Variants in FBXL20 observed in about 807,000 individuals in gnomAD.
FBXL20 encodes the protein F-box and leucine rich repeat protein 20.
Under a neutral mutation model 64.0 loss-of-function variants are expected in FBXL20, and 11 were observed. The ratio of observed to expected loss-of-function variants is 0.17; its 90% confidence interval spans 0.11 to 0.28. The LOEUF is 0.28. FBXL20 is among the 10% of genes least tolerant of loss of function. FBXL20 has a pLI of 1.00. For synonymous variants in FBXL20, 184 were observed against 189.0 expected, an observed-to-expected ratio of 0.97 and a Z score of 0.22; for missense variants, 303 against 526.2, an observed-to-expected ratio of 0.58 and a Z score of 4.15.
At chr17:39,388,217 G>T (rs910324669) in intron 1 of FBXL20, among the ~76,000 whole-genome samples, 2 of 152,056 alleles carry the variant, frequency 1.3e-5, no homozygotes, top group Non-Finnish European at 2.9e-5. Context: ...AGCACTTTGG[G>T]AGACCAAGGC....
chr17:39,307,225 G>A (rs945736921), intron 2 of FBXL20, among the ~76,000 whole-genome samples: 3 of 152,122 alleles, frequency 2.0e-5, no homozygotes, highest in African/African-American at 4.8e-5. Context: ...AGTAACTCAC[G>A]GCATAGGGGC....
chr17:39,318,255 G>A (rs1257563842), intron 2 of FBXL20, among the ~76,000 whole-genome samples: 2 of 152,228 alleles, frequency 1.3e-5, no homozygotes, highest in East Asian at 1.9e-4. Context: ...AACAAAGGAA[G>A]GCAGGTTGAG....
At chr17:39,351,887 G>T (rs2047690504) in intron 1 of FBXL20, among the ~76,000 whole-genome samples, 2 of 152,060 alleles carry the variant, frequency 1.3e-5, no homozygotes, top group Non-Finnish European at 1.5e-5. Flanking sequence ...TAAGCAACTT[G>T]GTTTATATAC....
chr17:39,278,633 C>A (rs556919539), intron 9 of FBXL20, among the ~76,000 whole-genome samples: 8 of 150,492 alleles, frequency 5.3e-5, no homozygotes, highest in African/African-American at 2.0e-4. Context: ...CTGCAACCTC[C>A]ACCTCCTGGG....
intron 1 of FBXL20, among the ~76,000 whole-genome samples, chr17:39,373,678 T>C (rs1244803889): frequency 1.3e-5 from 2 of 152,222 alleles, no homozygotes; most frequent in African/African-American, 2.4e-5. Context: ...CTTATAGTTC[T>C]GTTACAAAGC....
intron 6 of FBXL20, among the ~76,000 whole-genome samples, chr17:39,293,629 C>G (rs1260863761): frequency 1.3e-5 from 2 of 152,126 alleles, no homozygotes; most frequent in Non-Finnish European, 2.9e-5. Context: ...TTGAATGTCC[C>G]AGGTGTTCAA....
chr17:39,309,891 G>A (rs2047217007), intron 2 of FBXL20, among the ~76,000 whole-genome samples: 1 of 151,600 alleles, frequency 6.6e-6, no homozygotes, highest in African/African-American at 2.4e-5. Flanking sequence ...GCTCACACCT[G>A]TAATCCCAGC....
intron 1 of FBXL20, among the ~76,000 whole-genome samples, chr17:39,358,430 C>A (rs1233809230): frequency 1.3e-5 from 2 of 152,230 alleles, no homozygotes; most frequent in South Asian, 2.1e-4. Flanking sequence ...TGCCTGTAAT[C>A]CTAGCGCTTT....
intron 2 of FBXL20, among the ~76,000 whole-genome samples, chr17:39,329,048 G>A (rs1372480908): frequency 6.6e-6 from 1 of 151,940 alleles, no homozygotes; most frequent in Non-Finnish European, 1.5e-5. Context: ...GCAAGACTCT[G>A]TCAAAAATAA....
chr17:39,372,157 T>C (rs1211717004), intron 1 of FBXL20, among the ~76,000 whole-genome samples: 3 of 152,122 alleles, frequency 2.0e-5, no homozygotes, highest in African/African-American at 4.8e-5. Flanking sequence ...TAATTTCAAA[T>C]AGAGTTTATA....
chr17:39,373,078 CGTCTATATA>C (rs1165262533), intron 1 of FBXL20, among the ~76,000 whole-genome samples: 2 of 151,464 alleles, frequency 1.3e-5, no homozygotes, highest in Non-Finnish European at 2.9e-5. Context: ...GGCTTCACAT[CGTCTATATA>C]GAAACCTACC....
At chr17:39,316,279 G>A (rs1221038702) in intron 2 of FBXL20, among the ~76,000 whole-genome samples, 5 of 147,302 alleles carry the variant, frequency 3.4e-5, no homozygotes, top group Admixed American at 1.4e-4. Context: ...ATATATACAC[G>A]TGTTCATCTA....
rs1209969215 is a variant in FBXL20, at chr17:39,261,661, A to T, written c.1204-94T>A. 3.3e-6 allele frequency: 3 copies of T among 905,400 alleles called. No individual in the cohort carries two copies. The African/African-American group carries it at 5.0e-5, about 15-fold the overall frequency. 56.1% of individuals were successfully genotyped at this position (905,400 alleles called of 1,614,324 possible). A position where few individuals can be genotyped will look rare whatever the true frequency, so the allele number is the denominator to read the frequency against. ...GAAAAACTACCGAGGGGCTCAATGA[A>T]CATAAAAGCAGGGCAAAGGCTGAGC... On this transcript the variant is annotated intron_variant, in intron 14 of 14. Coordinates refer to ENST00000264658, the MANE Select transcript of FBXL20 (RefSeq NM_032875.3).
intron 1 of FBXL20, among the ~76,000 whole-genome samples, chr17:39,370,415 G>A (rs1029948849): frequency 2.0e-5 from 3 of 151,796 alleles, no homozygotes; most frequent in Non-Finnish European, 4.4e-5. Flanking sequence ...GCTTGAACCC[G>A]GGAGGCGGAG....
chr17:39,311,957 T>G (rs2047238799), intron 2 of FBXL20, among the ~76,000 whole-genome samples: 1 of 152,148 alleles, frequency 6.6e-6, no homozygotes, highest in Non-Finnish European at 1.5e-5. Context: ...AGGAGTACCA[T>G]TAAACACACA....
At chr17:39,390,964 T>C (rs2048128084) in intron 1 of FBXL20, among the ~76,000 whole-genome samples, 2 of 152,002 alleles carry the variant, frequency 1.3e-5, no homozygotes, top group African/African-American at 4.8e-5. Context: ...GAGAACTGCT[T>C]GAACCCAGGC....
At chr17:39,335,899 G>A (rs538570511) in intron 2 of FBXL20, among the ~76,000 whole-genome samples, 2 of 152,152 alleles carry the variant, frequency 1.3e-5, no homozygotes, top group East Asian at 1.9e-4. Flanking sequence ...CTAATACTTC[G>A]TGAGGCTAAG....
intron 2 of FBXL20, among the ~76,000 whole-genome samples, chr17:39,332,282 T>C (rs184691430): frequency 2.8e-4 from 43 of 152,334 alleles, no homozygotes; most frequent in Admixed American, 2.5e-3. Flanking sequence ...CTAAGAATGC[T>C]ATCTTTAGAA....
At chr17:39,336,462 T>C (rs1423396182) in intron 2 of FBXL20, among the ~76,000 whole-genome samples, 1 of 152,156 alleles carries the variant, frequency 6.6e-6, no homozygotes, top group Non-Finnish European at 1.5e-5. Flanking sequence ...CAAATATCCA[T>C]GAGTCTATAC....
Sources: gnomAD v4.1 joint callset for allele counts (sites outside exome capture counted in the v4.1 genomes callset) on GRCh38, gnomAD v4.1.1 for gene constraint, MANE v1.5 for transcripts, NCBI Gene and HGNC (gene_info 2026-07-23, HGNC 2026-07-21) for gene names.